Variants in CNKSR2 observed in about 807,000 individuals in gnomAD.
CNKSR2 encodes connector enhancer of kinase suppressor of Ras 2.
In CNKSR2, 14 loss-of-function variants were observed where a neutral mutation model predicts 84.4. The ratio of observed to expected loss-of-function variants is 0.17; its 90% CI spans 0.11 to 0.26. CNKSR2 has a LOEUF of 0.26. Ranked by LOEUF, CNKSR2 falls within the 10% of genes least tolerant of loss-of-function variation. The pLI is 1.00. For missense variants in CNKSR2, 485 were observed against 771.2 expected, an observed-to-expected ratio of 0.63 and a Z score of 4.40; for synonymous variants, 275 against 277.9, an observed-to-expected ratio of 0.99 and a Z score of 0.10.
intron 20 of CNKSR2, among the ~76,000 whole-genome samples, chrX:21,620,212 T>G (rs2092595880): frequency 9.0e-6 from 1 of 111,268 alleles, no homozygotes; most frequent in Non-Finnish European, 1.9e-5. Flanking sequence ...TTTAAGCATC[T>G]TTTTTTAATG....
intron 1 of CNKSR2, among the ~76,000 whole-genome samples, chrX:21,381,773 C>A: frequency 9.0e-6 from 1 of 111,711 alleles, no homozygotes; most frequent in East Asian, 2.8e-4. Flanking sequence ...AATATGTTCC[C>A]TATCCCTCTT....
chrX:21,497,945 G>A (rs1233255649), intron 7 of CNKSR2, 99 bp downstream of exon 7: 1 of 460,710 alleles, frequency 2.2e-6, no homozygotes, highest in Non-Finnish European at 3.9e-6. Flanking sequence ...CTAAGGATAA[G>A]GACATGAACA....
intron 4 of CNKSR2, among the ~76,000 whole-genome samples, chrX:21,457,964 A>G (rs1247638147): frequency 8.9e-6 from 1 of 112,121 alleles, no homozygotes; most frequent in African/African-American, 3.2e-5. Context: ...GCTATTGTAG[A>G]TTTCATAATA....
intron 1 of CNKSR2, among the ~76,000 whole-genome samples, chrX:21,418,697 C>G (rs985683133): frequency 2.7e-5 from 3 of 110,931 alleles, no homozygotes; most frequent in Non-Finnish European, 3.8e-5. Context: ...TGTTTGTGTT[C>G]TCTTGTTGCT....
rs1233591504 is a variant in CNKSR2 at position 21,558,607 on chromosome X, G to T, written c.1304-2864G>T. On this transcript the variant is annotated intron_variant, in intron 11 of 21. Transcript: ENST00000379510. ...AGTGTTAAAAATCTTCTGCATAATTGTTTCTATGGCTAATTATACAACCAG... is the reference window on the plus strand; with the variant it reads ...AGTGTTAAAAATCTTCTGCATAATTTTTTCTATGGCTAATTATACAACCAG... Among the ~76,000 whole-genome samples, 5 of 108,627 alleles carry T rather than the reference G, an allele frequency of 4.6e-5. No homozygotes were observed. The South Asian group carries it at 1.9e-3, about 41-fold the overall frequency. 94.3% of individuals were successfully genotyped at this position (108,627 alleles called of 115,157 possible).
chrX:21,440,758 G>A lies in CNKSR2; in HGVS notation c.496G>A (p.Glu166Lys). Reference protein sequence around the residue: ...TRNNVIQLCLELTTIVQQDCT... With the variant: ...TRNNVIQLCLKLTTIVQQDCT... ...AAATAATGTCATACAACTCTGCCTG[G>A]AGTTAACAACAATTGTGCAACAGGT... The change falls in exon 4 of 22, where the codon GAG becomes AAG. Residue 166 changes from glutamate to lysine, a missense_variant. By Grantham distance (56) the Glu-to-Lys change is moderately conservative. Coordinates refer to ENST00000379510, the MANE Select transcript of CNKSR2 (RefSeq NM_014927.5). 8.4e-7 allele frequency: 1 copy of A among 1,184,474 alleles called. No individual in the cohort carries two copies. Among genetic ancestry groups the A allele is most frequent in the Non-Finnish European group, 1.1e-6 (1 of 875,383 alleles).
intron 8 of CNKSR2, among the ~76,000 whole-genome samples, chrX:21,508,062 A>G (rs1035300639): frequency 8.9e-6 from 1 of 112,663 alleles, no homozygotes; most frequent in Non-Finnish European, 1.9e-5. Context: ...GCGGTGGCTC[A>G]TGCCTGTAAT....
In CNKSR2 at chrX:21,413,483, A is replaced by G. The variant is rs940419427; in HGVS notation, c.65-13014A>G. On this transcript the variant is annotated intron_variant, in intron 1 of 21. Transcript: ENST00000379510. ...ACTATATTATTTTAGTTATATTAAA[A>G]TGTACAATTAAATTATTCACTATAG... Among the ~76,000 whole-genome samples the G allele has an allele frequency of 5.4e-5, 6 of 110,821 alleles. 1 individual carries two copies. Among genetic ancestry groups the G allele is most frequent in the East Asian group, 5.7e-4 (2 of 3,510 alleles).
At chrX:21,555,296 T>C (rs1020678915) in intron 11 of CNKSR2, among the ~76,000 whole-genome samples, 2 of 111,858 alleles carry the variant, frequency 1.8e-5, no homozygotes, top group African/African-American at 6.5e-5. Context: ...ATTTGTATTA[T>C]TTATAAGTCA....
chrX:21,587,187 C>G (rs760699959), intron 13 of CNKSR2, among the ~76,000 whole-genome samples: 2 of 111,263 alleles, frequency 1.8e-5, no homozygotes, highest in Admixed American at 9.6e-5. Context: ...AAAATAGATG[C>G]AAAAAGAAAA....
rs1002833518 is a variant in CNKSR2, at chrX:21,648,819, T to G, written c.2693-12T>G. 7.8e-6 allele frequency: 7 copies of G among 898,425 alleles called. No individual in the cohort carries two copies. Among genetic ancestry groups the G allele is most frequent in the African/African-American group, 2.3e-5 (1 of 42,908 alleles). The allele number at this position is 898,425 out of a possible 1,213,427, so 74.0% of individuals were successfully genotyped here. ...CTTTTTTTTTTTTTTTTTTTTTTTT[T>G]GGATGTTGCAGGTGAAAGCAGAGAA... On this transcript the variant is annotated splice_polypyrimidine_tract_variant and intron_variant, in intron 20 of 21. Coordinates refer to ENST00000379510, the MANE Select transcript of CNKSR2 (RefSeq NM_014927.5).
At chrX:21,452,393 A>G (rs2147108054) in intron 4 of CNKSR2, among the ~76,000 whole-genome samples, 1 of 111,136 alleles carries the variant, frequency 9.0e-6, no homozygotes, top group African/African-American at 3.3e-5. Flanking sequence ...TGCCTGGCCC[A>G]CTCTAAATGA....
intron 12 of CNKSR2, among the ~76,000 whole-genome samples, chrX:21,562,090 A>T (rs1357440912): frequency 9.2e-6 from 1 of 109,231 alleles, no homozygotes; most frequent in Non-Finnish European, 1.9e-5. Context: ...ATCTTCTTAC[A>T]TGGGGGTGGG....
chrX:21,433,182 G>C (rs1482024072), intron 3 of CNKSR2, among the ~76,000 whole-genome samples: 1 of 111,413 alleles, frequency 9.0e-6, no homozygotes, highest in Non-Finnish European at 1.9e-5. Flanking sequence ...TGACCATTGG[G>C]ATTCTATAAA....
chrX:21,406,386 G>A (rs1225426474), intron 1 of CNKSR2, among the ~76,000 whole-genome samples: 1 of 110,950 alleles, frequency 9.0e-6, no homozygotes, highest in African/African-American at 3.3e-5. Context: ...ATTTGAACTT[G>A]GTGACTTAGT....
At chrX:21,449,303 C>CAA (rs11308049) in intron 4 of CNKSR2, among the ~76,000 whole-genome samples, 10 of 44,321 alleles carry the variant, frequency 2.3e-4, no homozygotes, top group African/African-American at 5.8e-4. Flanking sequence ...GACTCCGTCT[C>CAA]AAAAAAAAAA....
chrX:21,620,889 TA>T (rs1311562893), intron 20 of CNKSR2, among the ~76,000 whole-genome samples: 1 of 111,278 alleles, frequency 9.0e-6, no homozygotes, highest in Non-Finnish European at 1.9e-5. Context: ...TCGAAGTGTT[TA>T]GGAAGAGGCT....
chrX:21,600,923 A>C (rs962620162), intron 17 of CNKSR2, among the ~76,000 whole-genome samples: 2 of 112,437 alleles, frequency 1.8e-5, no homozygotes, highest in Non-Finnish European at 3.8e-5. Context: ...TACTGTTTAA[A>C]TATCTCTAAA....
At chrX:21,584,246 T>G (rs1329834953) in intron 13 of CNKSR2, among the ~76,000 whole-genome samples, 1 of 112,228 alleles carries the variant, frequency 8.9e-6, no homozygotes, top group Non-Finnish European at 1.9e-5. Flanking sequence ...TTTTCAATAA[T>G]GTATTATACA....
Sources: gnomAD v4.1 joint callset for allele counts (sites outside exome capture counted in the v4.1 genomes callset) on GRCh38, gnomAD v4.1.1 for gene constraint, MANE v1.5 for transcripts, NCBI Gene and HGNC (gene_info 2026-07-23, HGNC 2026-07-21) for gene names.